The following ABCA13 variants were observed in gnomAD, a reference collection of about 807,000 sequenced individuals.
The protein encoded by ABCA13 is ATP-binding cassette sub-family A member 13.
A neutral mutation model predicts 478.7 loss-of-function variants in ABCA13; 476 were observed. The ratio of observed to expected loss-of-function variants is 0.99; its 90% CI spans 0.92 to 1.07. The LOEUF (loss-of-function observed/expected upper bound fraction) is 1.07, where lower values mean the gene tolerates loss of function less well. ABCA13 is among the 50% of genes least tolerant of loss of function. The pLI is 0.00. For synonymous variants in ABCA13, 2,252 were observed against 2,158.9 expected (o/e 1.04, Z -1.20); for missense variants, 6,060 against 5,910.6 (o/e 1.03, Z -0.83).
At chr7:48,629,168 G>T (rs1793935233) in intron 59 of ABCA13, among the ~76,000 whole-genome samples, 1 of 152,156 alleles carries the variant, frequency 6.6e-6, no homozygotes, top group Admixed American at 6.5e-5. Flanking sequence ...TGGCAATATT[G>T]TGCTGTCACC....
intron 31 of ABCA13, among the ~76,000 whole-genome samples, chr7:48,361,958 T>C (rs1461109328): frequency 6.6e-6 from 1 of 152,024 alleles, no homozygotes; most frequent in Non-Finnish European, 1.5e-5. Flanking sequence ...AAAAATTGCA[T>C]TATATACTAA....
chr7:48,569,967 G>T (rs1456550145), intron 55 of ABCA13, among the ~76,000 whole-genome samples: 3 of 152,062 alleles, frequency 2.0e-5, no homozygotes, highest in East Asian at 3.9e-4. Flanking sequence ...TAGTCTCTTA[G>T]GTCTAGTTAT....
At chr7:48,362,467 C>T (rs1811037408) in intron 31 of ABCA13, among the ~76,000 whole-genome samples, 1 of 142,390 alleles carries the variant, frequency 7.0e-6, no homozygotes, top group Non-Finnish European at 1.5e-5. Context: ...ATGACTTTGC[C>T]CATCCTTTCA....
chr7:48,377,193 CAAA>C (rs528881294), intron 35 of ABCA13, among the ~76,000 whole-genome samples: 2 of 73,796 alleles, frequency 2.7e-5, no homozygotes, highest in Non-Finnish European at 2.8e-5. Flanking sequence ...TATCAATGGC[CAAA>C]AAAAAAAAAA....
In ABCA13 at chr7:48,273,449, A is replaced by G; in HGVS notation, c.3783A>G (p.Glu1261=). Residue 1261 remains glutamate, a synonymous_variant, in exon 17 of 62, where the codon GAA becomes GAG. Transcript: ENST00000435803. ...EQVEKSLFTM[E]AALHQLKTFP... is the part of the protein sequence containing the mutation. ...TGGAGAAATCCCTTTTCACCATGGA[A>G]GCTGCCCTGCATCAGTTGAAGACAT... is the stretch of plus-strand genomic sequence containing the variant. The G allele has an allele frequency of 1.2e-6, 2 of 1,612,562 alleles. No individual in the cohort carries two copies. Among genetic ancestry groups the G allele is most frequent in the South Asian group, 1.1e-5 (1 of 90,878 alleles).
chr7:48,395,999 T>C (rs1339643873), intron 38 of ABCA13, among the ~76,000 whole-genome samples: 4 of 152,060 alleles, frequency 2.6e-5, no homozygotes, highest in African/African-American at 9.7e-5. Flanking sequence ...AAGTGATGAG[T>C]TTGTCTTAGA....
chr7:48,296,608 C>T (rs1799410937), intron 21 of ABCA13, among the ~76,000 whole-genome samples: 3 of 151,826 alleles, frequency 2.0e-5, no homozygotes, highest in African/African-American at 4.8e-5. Context: ...TACAGGCACC[C>T]GCCACCATGC....
intron 10 of ABCA13, 138 bp downstream of exon 10, chr7:48,241,204 A>T: frequency 7.3e-6 from 8 of 1,101,868 alleles, no homozygotes; most frequent in Non-Finnish European, 1.0e-5. Flanking sequence ...ATGGGAAATC[A>T]GAGGCTTTCA....
chr7:48,617,950 C>T (rs1390715982), intron 59 of ABCA13, among the ~76,000 whole-genome samples: 1 of 152,126 alleles, frequency 6.6e-6, no homozygotes, highest in Non-Finnish European at 1.5e-5. Flanking sequence ...GAGGAAAAAA[C>T]AAAATAGAAA....
chr7:48,300,622 G>A lies in ABCA13; in HGVS notation c.9321+2135G>A, dbSNP rs545681239. ...CATTTCTGTCAAAAGACCAGAGACA[G>A]GAGTGAGCAGAAGGAGGCAAATGCA... On this transcript the variant is annotated intron_variant, in intron 23 of 61. Coordinates refer to ENST00000435803, the MANE Select transcript of ABCA13 (RefSeq NM_152701.5). Among the ~76,000 whole-genome samples, 8 of 152,334 alleles carry A rather than the reference G, an allele frequency of 5.3e-5. No individual in the cohort carries two copies. In the East Asian group the frequency reaches 1.5e-3, roughly 29 times the overall value.
intron 42 of ABCA13, among the ~76,000 whole-genome samples, chr7:48,447,514 A>G (rs1470627344): frequency 3.9e-5 from 6 of 152,198 alleles, no homozygotes; most frequent in Non-Finnish European, 5.9e-5. Flanking sequence ...TCTGAAAATC[A>G]TGTTGCAATG....
At chr7:48,322,051 C>A (rs570961820) in intron 27 of ABCA13, among the ~76,000 whole-genome samples, 1 of 152,222 alleles carries the variant, frequency 6.6e-6, no homozygotes, top group Non-Finnish European at 1.5e-5. Context: ...CTCTCTTCAC[C>A]ATCCCCAGTG....
chr7:48,219,370 A>T lies in ABCA13; in HGVS notation c.304A>T (p.Thr102Ser). 1 of 1,611,084 alleles carries T rather than the reference A, an allele frequency of 6.2e-7. No homozygotes were observed. The highest frequency in any genetic ancestry group is 8.5e-7 in the Non-Finnish European group (1 of 1,179,164). Residue 102 changes from threonine to serine, a missense_variant, in exon 4 of 62, where the codon ACT becomes TCT. Physicochemically the swap from Thr to Ser is moderately conservative, Grantham distance 58. Coordinates refer to ENST00000435803, the MANE Select transcript of ABCA13 (RefSeq NM_152701.5). ...EHHFRLSRFQ[T>S]AADPKKVNNL... ...TGTTTAAAGTTTGTCTAGGTTCCAA[A>T]CTGCAGCTGACCCCAAGAAAGTCAA... is the stretch of plus-strand genomic sequence containing the variant.
intron 59 of ABCA13, among the ~76,000 whole-genome samples, chr7:48,641,244 C>T (rs573131309): frequency 1.3e-5 from 2 of 152,282 alleles, no homozygotes; most frequent in South Asian, 4.1e-4. Context: ...ATCTCTGTGC[C>T]ACTGTCTCCT....
intron 39 of ABCA13, among the ~76,000 whole-genome samples, chr7:48,407,983 C>G (rs866702213): frequency 4.6e-5 from 7 of 152,234 alleles, no homozygotes; most frequent in South Asian, 4.1e-4. Flanking sequence ...AACCAATGCT[C>G]CACAGATACC....
intron 51 of ABCA13, among the ~76,000 whole-genome samples, chr7:48,513,072 G>A (rs1470787754): frequency 1.3e-5 from 2 of 152,208 alleles, no homozygotes; most frequent in Admixed American, 1.3e-4. Flanking sequence ...TAACAGGAGG[G>A]GCAGTGAGAG....
intron 41 of ABCA13, among the ~76,000 whole-genome samples, chr7:48,413,612 C>T (rs992997671): frequency 6.6e-6 from 1 of 152,106 alleles, no homozygotes; most frequent in Admixed American, 6.5e-5. Flanking sequence ...TTTTAAAAAT[C>T]TGCAAAAGTC....
chr7:48,213,379 G>T (rs1017757648), intron 3 of ABCA13, among the ~76,000 whole-genome samples: 2 of 152,150 alleles, frequency 1.3e-5, no homozygotes, highest in Non-Finnish European at 2.9e-5. Context: ...ATTGCAGTCT[G>T]TTAAGTGTGC....
intron 41 of ABCA13, among the ~76,000 whole-genome samples, chr7:48,414,577 T>C (rs577123100): frequency 6.7e-6 from 1 of 150,070 alleles, no homozygotes; most frequent in African/African-American, 2.4e-5. Flanking sequence ...TGTATACATA[T>C]GTAACATATA....
Sources: allele counts gnomAD v4.1 joint callset (sites outside exome capture counted in the v4.1 genomes callset), GRCh38; gene constraint gnomAD v4.1.1; transcripts MANE v1.5; gene names NCBI Gene and HGNC (gene_info 2026-07-23, HGNC 2026-07-21).